SPTLC2: variants seen among roughly 807,000 people sequenced by gnomAD.
The protein encoded by SPTLC2 is serine palmitoyltransferase 2.
In SPTLC2, 21 loss-of-function variants were observed where a neutral mutation model predicts 62.0. That is an observed-to-expected ratio of 0.34 (90% CI 0.24 to 0.49). SPTLC2 has a LOEUF of 0.49. Among genes scored for constraint, SPTLC2 ranks in the 20% least tolerant of loss-of-function variants. The probability of loss-of-function intolerance (pLI) is 0.99; values close to 1 mark genes in which losing one functional copy is unlikely to be tolerated. For synonymous variants in SPTLC2, 261 were observed against 261.8 expected (o/e 1.00, Z 0.03); for missense variants, 511 against 713.0 (o/e 0.72, Z 3.23).
In SPTLC2 at chr14:77,521,485, G is replaced by A; in HGVS notation, c.1400C>T (p.Pro467Leu). ...GFIIYGNEDS[P>L]VVPLMLYMPA... ...CATGTAGAGCATCAAAGGCACTACT[G>A]GAGAGTCTTCATTTCCATAGATGAT... The change falls in exon 10 of 12, where the codon CCA (proline) becomes CTA (leucine). Residue 467 changes from proline to leucine, a missense_variant. Transcript: ENST00000216484. 1 of 1,614,136 alleles carries A rather than the reference G, an allele frequency of 6.2e-7. No individual in the cohort carries two copies. Among genetic ancestry groups the A allele is most frequent in the Non-Finnish European group, 8.5e-7 (1 of 1,180,014 alleles).
intron 9 of SPTLC2, among the ~76,000 whole-genome samples, chr14:77,539,797 A>T (rs2079490644): frequency 6.6e-6 from 1 of 152,056 alleles, no homozygotes; most frequent in South Asian, 2.1e-4. Context: ...GCCGCTTAAG[A>T]GGCTTTTGAA....
intron 9 of SPTLC2, among the ~76,000 whole-genome samples, chr14:77,523,483 G>A (rs2142183): frequency 4.0e-5 from 6 of 151,880 alleles, no homozygotes; most frequent in African/African-American, 9.7e-5. Context: ...CAGGGAGGTG[G>A]GGTGCGATGA....
intron 11 of SPTLC2, among the ~76,000 whole-genome samples, chr14:77,514,164 C>T (rs1319827470): frequency 6.6e-6 from 1 of 152,108 alleles, no homozygotes; most frequent in African/African-American, 2.4e-5. Context: ...GCCTGGGTGA[C>T]TGAGACCCTG....
chr14:77,565,242 C>CAAAAAAA (rs59356054), intron 5 of SPTLC2, among the ~76,000 whole-genome samples: 5 of 33,706 alleles, frequency 1.5e-4, no homozygotes, highest in African/African-American at 2.7e-4. Context: ...AACTCCATCT[C>CAAAAAAA]AAAAAAAAAA....
intron 2 of SPTLC2, 139 bp from the exon 3 acceptor site, chr14:77,579,248 G>A (rs2079734457): frequency 1.2e-6 from 1 of 827,304 alleles, no homozygotes; most frequent in East Asian, 2.7e-5. Context: ...TTGTGTAATG[G>A]ACAAGTCAGG....
intron 5 of SPTLC2, among the ~76,000 whole-genome samples, chr14:77,562,984 G>A (rs2079623363): frequency 6.6e-6 from 1 of 152,174 alleles, no homozygotes; most frequent in East Asian, 1.9e-4. Flanking sequence ...ATGGACTGTA[G>A]GCTTCAGTTT....
chr14:77,568,814 A>T (rs1306140096), intron 5 of SPTLC2, among the ~76,000 whole-genome samples: 1 of 139,392 alleles, frequency 7.2e-6, no homozygotes, highest in Non-Finnish European at 1.6e-5. Flanking sequence ...TCTCAAAAAA[A>T]AAAAAAAAAA....
chr14:77,518,812 C>G (rs1417490655), intron 10 of SPTLC2, among the ~76,000 whole-genome samples: 1 of 152,134 alleles, frequency 6.6e-6, no homozygotes, highest in Non-Finnish European at 1.5e-5. Context: ...CTCCAGATCA[C>G]ACGTTTCTTT....
intron 9 of SPTLC2, among the ~76,000 whole-genome samples, chr14:77,539,809 CTA>C (rs2079490740): frequency 6.6e-6 from 1 of 151,796 alleles, no homozygotes; most frequent in South Asian, 2.1e-4. Context: ...GCTTTTGAAG[CTA>C]TATGTTATTT....
intron 6 of SPTLC2, among the ~76,000 whole-genome samples, chr14:77,561,686 T>C (rs1044081415): frequency 5.9e-5 from 9 of 151,994 alleles, no homozygotes; most frequent in African/African-American, 2.2e-4. Context: ...TAAAACATTT[T>C]AGACAAGACA....
intron 4 of SPTLC2, 101 bp downstream of exon 4, chr14:77,576,662 TGACA>T (rs1209289487): frequency 6.7e-7 from 1 of 1,487,898 alleles, no homozygotes; most frequent in Non-Finnish European, 9.3e-7. Context: ...CTAAATGACA[TGACA>T]AAGTGTAGAT....
intron 9 of SPTLC2, among the ~76,000 whole-genome samples, chr14:77,524,805 T>C (rs2079400880): frequency 1.3e-5 from 2 of 151,884 alleles, no homozygotes; most frequent in African/African-American, 4.8e-5. Flanking sequence ...AAAAAGTTGA[T>C]CTCATGGAGG....
chr14:77,512,504 T>G (rs545852849), intron 11 of SPTLC2, 101 bp from the exon 12 acceptor site: 148 of 1,555,704 alleles, frequency 9.5e-5, no homozygotes, highest in Admixed American at 3.5e-4. Flanking sequence ...AGATTATCCT[T>G]CGGCAGGACT....
chr14:77,559,250 G>T (rs1054985477), intron 6 of SPTLC2, among the ~76,000 whole-genome samples: 2 of 152,120 alleles, frequency 1.3e-5, no homozygotes, highest in African/African-American at 4.8e-5. Context: ...TTAAACCCAG[G>T]AGACGGAGGT....
intron 9 of SPTLC2, among the ~76,000 whole-genome samples, chr14:77,543,814 GTCAGCATCCCA>G (rs2079514355): frequency 6.6e-6 from 1 of 151,876 alleles, no homozygotes; most frequent in Non-Finnish European, 1.5e-5. Flanking sequence ...AGAAGGGAGT[GTCAGCATCCCA>G]GGCATTTAGA....
In SPTLC2 at chr14:77,512,013, A is replaced by C. The variant is rs1261175654; in HGVS notation, c.*271T>G. ...GGGTCAGCGTGATTTCACAAGTAGA[A>C]TGGTTGCAAAATAAAATGTTTTTTT... On this transcript the variant is annotated 3_prime_UTR_variant, in exon 12 of 12. Transcript: ENST00000216484. 9 of 445,934 alleles carry C rather than the reference A, an allele frequency of 2.0e-5. No individual in the cohort carries two copies. Among genetic ancestry groups the C allele is most frequent in the Non-Finnish European group, 3.3e-5 (8 of 241,132 alleles). The allele number at this position is 445,934 out of a possible 1,614,324, so 27.6% of individuals were successfully genotyped here. A position where few individuals can be genotyped will look rare whatever the true frequency, so the allele number is the denominator to read the frequency against.
chr14:77,532,046 C>T (rs929336473), intron 9 of SPTLC2, among the ~76,000 whole-genome samples: 12 of 152,222 alleles, frequency 7.9e-5, no homozygotes, highest in African/African-American at 2.9e-4. Context: ...AATAATACCC[C>T]TTTTACTTAA....
At chr14:77,579,217 G>T in intron 2 of SPTLC2, 108 bp from the exon 3 acceptor site, 1 of 1,147,418 alleles carries the variant, frequency 8.7e-7, no homozygotes, top group East Asian at 2.6e-5. Flanking sequence ...GGGTATAAGG[G>T]CAATTTCATT....
intron 4 of SPTLC2, among the ~76,000 whole-genome samples, chr14:77,574,934 A>G (rs1001569142): frequency 3.9e-5 from 6 of 152,204 alleles, no homozygotes; most frequent in Non-Finnish European, 7.3e-5. Context: ...GGGGCCAGGC[A>G]TGGTGACTCA....
Sources: gnomAD v4.1 joint callset for allele counts (sites outside exome capture counted in the v4.1 genomes callset) on GRCh38, gnomAD v4.1.1 for gene constraint, MANE v1.5 for transcripts, NCBI Gene and HGNC (gene_info 2026-07-23, HGNC 2026-07-21) for gene names.